The following PIDD1 variants were observed in gnomAD, a reference collection of about 807,000 sequenced individuals.
PIDD1 encodes the protein p53-induced death domain-containing protein 1.
PIDD1 carries 72 observed loss-of-function variants against 80.0 expected under a neutral mutation model. The ratio of observed to expected loss-of-function variants is 0.90; its 90% CI spans 0.74 to 1.09. The LOEUF is 1.09. Ranked by LOEUF, PIDD1 falls within the 50% of genes least tolerant of loss-of-function variation. The pLI is 0.00. For synonymous variants in PIDD1, 655 were observed against 543.5 expected, an observed-to-expected ratio of 1.21 and a Z score of -2.85; for missense variants, 1,329 against 1,228.3, an observed-to-expected ratio of 1.08 and a Z score of -1.23.
upstream of PIDD1, chr11:806,218 G>C (rs936903615): frequency 6.6e-6 from 1 of 152,480 alleles, no homozygotes; most frequent in Non-Finnish European, 1.5e-5. Context: ...CCCCGAGCGG[G>C]CCTGTGCTTT....
Position 800,261 on chromosome 11 carries a change from T to TGGGGTTC in PIDD1, c.2161-24_2161-18dup. 6.2e-7 allele frequency: 1 copy of TGGGGTTC among 1,611,470 alleles called. No individual in the cohort carries two copies. Among genetic ancestry groups the TGGGGTTC allele is most frequent in the East Asian group, 2.2e-5 (1 of 44,856 alleles). On this transcript the variant is annotated splice_polypyrimidine_tract_variant and intron_variant, in intron 13 of 15. Coordinates refer to ENST00000347755, the MANE Select transcript of PIDD1 (RefSeq NM_145886.4). ...GAAGGACACCTGAAGGGGCATCGAA[T>TGGGGTTC]GGGGTTCGGAGTTCGGTCCTCTGCC...
At position 804,210 on chromosome 11, in the gene PIDD1, T is replaced by G. The variant is rs752977186; in HGVS notation, c.179A>C (p.Gln60Pro). The G allele has an allele frequency of 1.2e-6, 2 of 1,613,064 alleles. No individual in the cohort carries two copies. Among genetic ancestry groups the G allele is most frequent in the South Asian group, 2.2e-5 (2 of 91,074 alleles). The change falls in exon 2 of 16, where the codon CAG becomes CCG. Residue 60 changes from glutamine (Q) to proline (P), a missense_variant. By Grantham distance (76) the Gln-to-Pro change is moderately conservative. Coordinates refer to ENST00000347755, the MANE Select transcript of PIDD1 (RefSeq NM_145886.4). ...LLHLCVQQPL[Q>P]LLQVEFLRLS... ...ACGCAAGAATTCCACCTGCAGCAGC[T>G]GCAGAGGCTGCTGGACACACAGGTG...
chr11:803,162 G>T lies in PIDD1; in HGVS notation c.709+12C>A. 6.3e-7 allele frequency: 1 copy of T among 1,576,236 alleles called. No individual in the cohort carries two copies. The highest frequency in any genetic ancestry group is 8.6e-7 in the Non-Finnish European group (1 of 1,157,448). ...CGTGGGGCCAGTGTGTCGGGGCGCA[G>T]GGGCTACTCACCCAGAGAGGCTGGG... On this transcript the variant is annotated intron_variant, in intron 3 of 15. Coordinates refer to ENST00000347755, the MANE Select transcript of PIDD1 (RefSeq NM_145886.4).
rs1184614625 is a variant in PIDD1 at position 805,184 on chromosome 11, C to G, written c.-81G>C. The G allele has an allele frequency of 1.0e-6, 1 of 983,960 alleles. No homozygotes were observed. The allele number at this position is 983,960 out of a possible 1,614,324, so 61.0% of individuals were successfully genotyped here. On this transcript the variant is annotated 5_prime_UTR_variant, in exon 1 of 16. Transcript: ENST00000347755. ...CCGCCCAGGCCGGCGCGTACCTGCG[C>G]TGCAGGCGGCGCGCAAAGGGTGGCT...
At chr11:803,013 T>A in intron 3 of PIDD1, 122 bp from the exon 4 acceptor site, 1 of 1,042,422 alleles carries the variant, frequency 9.6e-7, no homozygotes, top group Non-Finnish European at 1.4e-6. Flanking sequence ...CAGAGAACTC[T>A]GACAAAGCCA....
chr11:801,640 G>A lies in PIDD1; in HGVS notation c.1303-16C>T. 1 of 1,549,716 alleles carries A rather than the reference G, an allele frequency of 6.5e-7. No homozygotes were observed. Among genetic ancestry groups the A allele is most frequent in the Non-Finnish European group, 8.7e-7 (1 of 1,145,322 alleles). On this transcript the variant is annotated splice_polypyrimidine_tract_variant and intron_variant, in intron 7 of 15. Coordinates refer to ENST00000347755, the MANE Select transcript of PIDD1 (RefSeq NM_145886.4). Reference sequence around the variant, plus strand: ...CCCAGAGCCGCTGGGATGGGGGAGAGAGGAGGTCACAGGAGCCTGGGTCAG... The same window carrying A: ...CCCAGAGCCGCTGGGATGGGGGAGAAAGGAGGTCACAGGAGCCTGGGTCAG...
In PIDD1 at chr11:800,218, A is replaced by G. The variant is rs765699624; in HGVS notation, c.2187T>C (p.Pro729=). The G allele has an allele frequency of 2.0e-5, 33 of 1,610,092 alleles. No homozygotes were observed. In the South Asian group the frequency reaches 3.2e-4, roughly 16 times the overall value. ...GQVSFYRGAV[P]VRVPEEAEAA... ...CCTCAGCCTCCTCGGGCACCCGCAC[A>G]GGCACCGCGCCACGGTAGAAGGACA... The change falls in exon 14 of 16, where the codon CCT becomes CCC. Residue 729 remains proline, a synonymous_variant. Transcript: ENST00000347755.
At chr11:800,723 CTGG>C in intron 11 of PIDD1, 36 bp downstream of exon 11, 1 of 1,546,902 alleles carries the variant, frequency 6.5e-7, no homozygotes, top group Non-Finnish European at 8.7e-7. Flanking sequence ...CCCCAGCCCT[CTGG>C]TCACCACCCT....
At chr11:808,753 C>A (rs1865908671), upstream of PIDD1, among the ~76,000 whole-genome samples, 1 of 152,216 alleles carries the variant, frequency 6.6e-6, no homozygotes, top group East Asian at 1.9e-4. Context: ...CGCCTTTACC[C>A]CAGATGTGTG....
rs754767727 is a variant in PIDD1 at position 800,748 on chromosome 11, GCC to G, written c.1917+12_1917+13del. Reference sequence around the variant, plus strand: ...CTGGTCACCACCCTGCTGCCCTCCGGCCCGTGCCCCCACCTTGTTTCGGGGCA... The same window carrying G: ...CTGGTCACCACCCTGCTGCCCTCCGGCGTGCCCCCACCTTGTTTCGGGGCA... On this transcript the variant is annotated intron_variant, in intron 11 of 15. Coordinates refer to ENST00000347755, the MANE Select transcript of PIDD1 (RefSeq NM_145886.4). 1.3e-6 allele frequency: 2 copies of G among 1,545,410 alleles called. No homozygotes were observed. Among genetic ancestry groups the G allele is most frequent in the Non-Finnish European group, 1.7e-6 (2 of 1,146,898 alleles).
In PIDD1 at chr11:803,315, G is replaced by A. The variant is rs754988475; in HGVS notation, c.568C>T (p.Leu190=). 3.1e-6 allele frequency: 5 copies of A among 1,613,972 alleles called. No individual in the cohort carries two copies. The highest frequency in any genetic ancestry group is 4.2e-6 in the Non-Finnish European group (5 of 1,179,996). The part of the protein sequence containing the change: ...HNRLQTLPPA[L]GALSTLQRLD... ...CGCTGCAGGGTGGATAGGGCCCCCA[G>A]TGCTGGGGGCAGCGTCTGCAGGCGG... The change falls in exon 3 of 16, where the codon CTG becomes TTG. Residue 190 remains leucine, a synonymous_variant. Transcript: ENST00000347755.
chr11:800,182 C>T lies in PIDD1; in HGVS notation c.2223G>A (p.Gln741=), dbSNP rs1865145049. The part of the protein sequence containing the change: ...RVPEEAEAAR[Q]RKGADALWMA... ...TCCACAGGGCGTCTGCGCCCTTCCT[C>T]TGCCGGGCAGCCTCAGCCTCCTCGG... Residue 741 remains glutamine (Q), a synonymous_variant, in exon 14 of 16, where the codon CAG becomes CAA. Coordinates refer to ENST00000347755, the MANE Select transcript of PIDD1 (RefSeq NM_145886.4). 2 of 1,611,056 alleles carry T rather than the reference C, an allele frequency of 1.2e-6. No homozygotes were observed. Among genetic ancestry groups the T allele is most frequent in the Admixed American group, 1.7e-5 (1 of 59,908 alleles).
In PIDD1 at chr11:803,353, G is replaced by A; in HGVS notation, c.530C>T (p.Thr177Ile). 1 of 1,613,972 alleles carries A rather than the reference G, an allele frequency of 6.2e-7. No individual in the cohort carries two copies. The change falls in exon 3 of 16, where the codon ACA (threonine) becomes ATA (isoleucine). Residue 177 changes from threonine to isoleucine, a missense_variant. Coordinates refer to ENST00000347755, the MANE Select transcript of PIDD1 (RefSeq NM_145886.4). ...LGALPALTFLTVTHNRLQTLP... is the reference protein window; with the variant it reads ...LGALPALTFLIVTHNRLQTLP... ...CGTCTGCAGGCGGTTGTGTGTCACT[G>A]TGAGGAAGGTGAGGGCGGGGAGGGC...
upstream of PIDD1, among the ~76,000 whole-genome samples, chr11:807,548 A>G (rs1171666019): frequency 6.6e-6 from 1 of 151,518 alleles, no homozygotes; most frequent in Non-Finnish European, 1.5e-5. Flanking sequence ...GAGGCCGAGG[A>G]GGGTAGATCA....
rs1338046725 is a variant in PIDD1, at chr11:802,356, A to G, written c.1015T>C (p.Cys339Arg). ...GCTGGGAACTGCAGGCGGACGCCAC[A>G]GGCCAGGGTCACTGAGCAGCCTTGA... is the stretch of plus-strand genomic sequence containing the variant. The part of the protein sequence containing the change: ...TPQGCSVTLA[C>R]GVRLQFPAGA... The change falls in exon 6 of 16, where the codon TGT becomes CGT. Residue 339 changes from cysteine (C) to arginine (R), a missense_variant. By Grantham distance (180) the Cys-to-Arg change is radical. Coordinates refer to ENST00000347755, the MANE Select transcript of PIDD1 (RefSeq NM_145886.4). The G allele has an allele frequency of 4.3e-6, 7 of 1,611,982 alleles. No individual in the cohort carries two copies. Among genetic ancestry groups the G allele is most frequent in the South Asian group, 1.1e-5 (1 of 91,060 alleles).
chr11:803,773 G>C (rs1865575031), intron 2 of PIDD1, 186 bp from the exon 3 acceptor site: 3 of 680,446 alleles, frequency 4.4e-6, no homozygotes, highest in Non-Finnish European at 7.4e-6. Context: ...GGCAGGGGTG[G>C]AGACCACCGG....
Position 804,482 on chromosome 11 carries a change from G to A in PIDD1, c.-75-19C>T, listed in dbSNP as rs776154695. On this transcript the variant is annotated intron_variant, in intron 1 of 15. Transcript: ENST00000347755. ...GGGGAAGCTGCAGAGGCAGGAGGAG[G>A]AGTGAGCGGGAGCCGGGGTGGGCCC... 18 of 1,471,702 alleles carry A rather than the reference G, an allele frequency of 1.2e-5. No homozygotes were observed. The highest frequency in any genetic ancestry group is 2.3e-4 in the Middle Eastern group (1 of 4,284). The allele number at this position is 1,471,702 out of a possible 1,614,324, so 91.2% of individuals were successfully genotyped here.
intron 7 of PIDD1, 117 bp from the exon 8 acceptor site, chr11:801,741 G>A (rs1183491242): frequency 3.0e-6 from 3 of 990,024 alleles, no homozygotes; most frequent in Admixed American, 4.1e-5. Context: ...GGGACACAGG[G>A]AGCAGGATCC....
rs769239393 is a variant in PIDD1 at position 803,355 on chromosome 11, G to T, written c.528C>A (p.Leu176=). 1.9e-6 allele frequency: 3 copies of T among 1,613,922 alleles called. No individual in the cohort carries two copies. The African/African-American group carries it at 4.0e-5, about 22-fold the overall frequency. Residue 176 remains leucine (L), a synonymous_variant, in exon 3 of 16, where the codon CTC becomes CTA. Transcript: ENST00000347755. ...TCTGCAGGCGGTTGTGTGTCACTGTGAGGAAGGTGAGGGCGGGGAGGGCCC... is the reference window on the plus strand; with the variant it reads ...TCTGCAGGCGGTTGTGTGTCACTGTTAGGAAGGTGAGGGCGGGGAGGGCCC... The part of the protein sequence containing the change: ...ALGALPALTF[L]TVTHNRLQTL...
Sources: allele counts gnomAD v4.1 joint callset (sites outside exome capture counted in the v4.1 genomes callset), GRCh38; gene constraint gnomAD v4.1.1; transcripts MANE v1.5; gene names NCBI Gene and HGNC (gene_info 2026-07-23, HGNC 2026-07-21).